The following ADGRV1 variants were observed in gnomAD, a reference collection of about 807,000 sequenced individuals.
ADGRV1 encodes the protein adhesion G protein-coupled receptor V1, also known as G-protein coupled receptor 98.
In ADGRV1, 359 loss-of-function variants were observed where a neutral mutation model predicts 596.2. The observed-to-expected ratio is 0.60, with a 90% CI of 0.55 to 0.66. The LOEUF (loss-of-function observed/expected upper bound fraction) is 0.66. Among genes scored for constraint, ADGRV1 ranks in the 30% least tolerant of loss-of-function variants. The pLI, the probability that ADGRV1 is intolerant of heterozygous loss-of-function variation, is 0.00. For missense variants in ADGRV1, 7,274 were observed against 7,575.6 expected (o/e 0.96, Z 1.48); for synonymous variants, 2,681 against 2,679.2 (o/e 1.00, Z -0.02).
intron 17 of ADGRV1, among the ~76,000 whole-genome samples, chr5:90,651,068 C>T (rs1269424414): frequency 2.6e-5 from 4 of 152,158 alleles, no homozygotes. Context: ...ACCATGGAGA[C>T]TACTTTGTTC....
In ADGRV1 at chr5:90,799,044, C is replaced by T. The variant is rs545264033; in HGVS notation, c.14518-3695C>T. Among the ~76,000 whole-genome samples, 19 of 152,252 alleles carry T rather than the reference C, an allele frequency of 1.2e-4. No individual in the cohort carries two copies. The South Asian group carries it at 3.7e-3, about 30-fold the overall frequency. On this transcript the variant is annotated intron_variant, in intron 70 of 89. Transcript: ENST00000405460. ...GACAAGGATGCCCTCTGTCGCCACC[C>T]CTATTTAACATAGTATTGGAAGTTC...
chr5:90,820,960 C>T (rs1451204303), intron 75 of ADGRV1, among the ~76,000 whole-genome samples: 2 of 151,712 alleles, frequency 1.3e-5, no homozygotes. Flanking sequence ...TGAATGTTGG[C>T]CTGCCTTGCT....
chr5:90,664,874 T>C (rs911576035), intron 21 of ADGRV1, among the ~76,000 whole-genome samples: 13 of 150,708 alleles, frequency 8.6e-5, no homozygotes, highest in Non-Finnish European at 1.9e-4. Flanking sequence ...GAGATAATCA[T>C]GTGGTTTTTG....
intron 85 of ADGRV1, among the ~76,000 whole-genome samples, chr5:91,067,334 G>C (rs1787971874): frequency 6.6e-6 from 1 of 151,894 alleles, no homozygotes; most frequent in Admixed American, 6.6e-5. Context: ...GTAGAGAAGG[G>C]GTTTCTCCAT....
At chr5:90,847,043 C>G (rs1200182943) in intron 78 of ADGRV1, among the ~76,000 whole-genome samples, 2 of 152,090 alleles carry the variant, frequency 1.3e-5, no homozygotes, top group African/African-American at 4.8e-5. Context: ...AAACCTTGAG[C>G]TAGATACAGA....
intron 29 of ADGRV1, among the ~76,000 whole-genome samples, chr5:90,687,970 C>A (rs1285632397): frequency 6.6e-6 from 1 of 152,136 alleles, no homozygotes; most frequent in African/African-American, 2.4e-5. Flanking sequence ...AATGGCCATA[C>A]TGCTCAAGGT....
chr5:90,702,934 A>C (rs1024521638), intron 34 of ADGRV1, among the ~76,000 whole-genome samples: 10 of 152,018 alleles, frequency 6.6e-5, no homozygotes, highest in African/African-American at 2.2e-4. Flanking sequence ...TATTTTCAAC[A>C]AGTCATATGG....
chr5:91,057,391 A>C (rs1211795402), intron 85 of ADGRV1, among the ~76,000 whole-genome samples: 1 of 152,232 alleles, frequency 6.6e-6, no homozygotes, highest in Non-Finnish European at 1.5e-5. Context: ...TACAATTAAA[A>C]ACTTAAGAAT....
chr5:91,148,086 C>T (rs576936288), intron 87 of ADGRV1, among the ~76,000 whole-genome samples: 3 of 152,104 alleles, frequency 2.0e-5, no homozygotes, highest in East Asian at 1.9e-4. Context: ...GGTTATCTGG[C>T]GGAAGAAATT....
chr5:91,067,573 G>T (rs1347856732), intron 85 of ADGRV1, among the ~76,000 whole-genome samples: 1 of 152,196 alleles, frequency 6.6e-6, no homozygotes, highest in Non-Finnish European at 1.5e-5. Flanking sequence ...TAGTCAAAAT[G>T]ATGTGTCATC....
intron 77 of ADGRV1, among the ~76,000 whole-genome samples, chr5:90,839,302 C>T (rs1226502195): frequency 6.6e-6 from 1 of 152,128 alleles, no homozygotes; most frequent in Non-Finnish European, 1.5e-5. Context: ...GCAACGTCTG[C>T]CTCCCGGATT....
intron 85 of ADGRV1, among the ~76,000 whole-genome samples, chr5:90,999,638 TA>T (rs1293102170): frequency 6.6e-6 from 1 of 152,114 alleles, no homozygotes; most frequent in Non-Finnish European, 1.5e-5. Flanking sequence ...ATTTTAGTGA[TA>T]AAATGGAAAA....
At chr5:91,077,167 A>G (rs531447050) in intron 86 of ADGRV1, among the ~76,000 whole-genome samples, 1 of 152,330 alleles carries the variant, frequency 6.6e-6, no homozygotes, top group South Asian at 2.1e-4. Context: ...AATGTTAAAA[A>G]TACCGTGGGC....
chr5:90,988,661 T>A (rs903345732), intron 85 of ADGRV1, among the ~76,000 whole-genome samples: 3 of 152,134 alleles, frequency 2.0e-5, no homozygotes, highest in African/African-American at 7.2e-5. Context: ...TTTATTATAC[T>A]TTAAGTTTTA....
rs955247339 is a variant in ADGRV1 at position 90,568,236 on chromosome 5, T to A, written c.22+9319T>A. On this transcript the variant is annotated intron_variant, in intron 1 of 89. Transcript: ENST00000405460. The stretch of plus-strand genomic sequence containing the variant: ...CTTTATTTGAGATCTTTCCTTTTTT[T>A]AATATATGCATTTGTGCCTGTAAAT... 3.4e-4 allele frequency among the ~76,000 whole-genome samples: 51 copies of A among 152,218 alleles called. 1 individual carries two copies. Among genetic ancestry groups the A allele is most frequent in the Admixed American group, 3.9e-4 (6 of 15,276 alleles).
chr5:90,895,822 C>G (rs1464061450), intron 83 of ADGRV1, among the ~76,000 whole-genome samples: 1 of 152,112 alleles, frequency 6.6e-6, no homozygotes, highest in East Asian at 1.9e-4. Context: ...CATCTGTAAG[C>G]AAGCAGTCAG....
At chr5:90,958,386 C>A (rs1026707618) in intron 83 of ADGRV1, among the ~76,000 whole-genome samples, 1 of 150,920 alleles carries the variant, frequency 6.6e-6, no homozygotes, top group African/African-American at 2.4e-5. Context: ...AATTTAATAT[C>A]AATTCTCAAT....
chr5:90,628,854 A>C, intron 8 of ADGRV1, 22 bp downstream of exon 8: 1 of 1,603,468 alleles, frequency 6.2e-7, no homozygotes, highest in African/African-American at 1.3e-5. Flanking sequence ...GTTATGCTTT[A>C]TGCTTGTTAA....
intron 66 of ADGRV1, among the ~76,000 whole-genome samples, chr5:90,783,590 T>C (rs1561722145): frequency 6.6e-6 from 1 of 152,362 alleles, no homozygotes; most frequent in East Asian, 1.9e-4. Context: ...GGAAACATTC[T>C]TTAATTCACT....
Sources: allele counts gnomAD v4.1 joint callset (sites outside exome capture counted in the v4.1 genomes callset), GRCh38; gene constraint gnomAD v4.1.1; transcripts MANE v1.5; gene names NCBI Gene and HGNC (gene_info 2026-07-23, HGNC 2026-07-21).